The following GSG1L variants were observed in gnomAD, a reference collection of about 807,000 sequenced individuals.
GSG1L encodes the protein germ cell-specific gene 1-like protein.
In GSG1L, 24 loss-of-function variants were observed where a neutral mutation model predicts 42.1. The ratio of observed to expected loss-of-function variants is 0.57; its 90% CI spans 0.41 to 0.80. The LOEUF is 0.80. Ranked by LOEUF, GSG1L falls within the 30% of genes least tolerant of loss-of-function variation. GSG1L has a pLI of 0.00. For synonymous variants in GSG1L, 215 were observed against 203.5 expected, an observed-to-expected ratio of 1.06 and a Z score of -0.48; for missense variants, 445 against 472.2, an observed-to-expected ratio of 0.94 and a Z score of 0.53.
rs2082709885 is a variant in GSG1L, at chr16:27,787,818, A to G, written c.*3552T>C. On this transcript the variant is annotated 3_prime_UTR_variant, in exon 7 of 7. Transcript: ENST00000447459. ...AAGAGCTCCTAGATGCCTGGTGGCC[A>G]GGGCTAGATCCCTGTCAGATCTGTC... 6.6e-6 allele frequency: 1 copy of G among 152,210 alleles called. No individual in the cohort carries two copies. Among genetic ancestry groups the G allele is most frequent in the Admixed American group, 6.5e-5 (1 of 15,274 alleles). 9.4% of individuals were successfully genotyped at this position (152,210 alleles called of 1,614,324 possible). A position where few individuals can be genotyped will look rare whatever the true frequency, so the allele number is the denominator to read the frequency against.
At position 27,909,024 on chromosome 16, in the gene GSG1L, C is replaced by T. The variant is rs896822945; in HGVS notation, c.398-24386G>A. Among the ~76,000 whole-genome samples, 4 of 152,098 alleles carry T rather than the reference C, an allele frequency of 2.6e-5. No individual in the cohort carries two copies. In the East Asian group the frequency reaches 5.8e-4, roughly 22 times the overall value. ...AGCCCTGGTGCCTACACTTACCAGC[C>T]GTAGGGACCTGGGGCCCATCATTTA... On this transcript the variant is annotated intron_variant, in intron 2 of 6. Coordinates refer to ENST00000447459, the MANE Select transcript of GSG1L (RefSeq NM_001109763.2).
At chr16:27,996,574 G>A (rs1053645569) in intron 1 of GSG1L, among the ~76,000 whole-genome samples, 9 of 152,138 alleles carry the variant, frequency 5.9e-5, no homozygotes, top group African/African-American at 1.9e-4. Flanking sequence ...ACATGGAAAA[G>A]TGGGGACCTC....
intron 1 of GSG1L, among the ~76,000 whole-genome samples, chr16:27,985,518 C>A (rs541224407): frequency 9.2e-5 from 14 of 152,232 alleles, no homozygotes; most frequent in Middle Eastern, 3.4e-3. Flanking sequence ...CCTGCAGAAC[C>A]ATGAGCCAAA....
intron 2 of GSG1L, among the ~76,000 whole-genome samples, chr16:27,946,655 G>GA (rs5816456): frequency 1.5e-5 from 1 of 66,786 alleles, no homozygotes; most frequent in Admixed American, 1.7e-4. Flanking sequence ...AAGAAAGAAA[G>GA]AAAAGAAAGA....
chr16:27,945,935 G>A (rs1180166998), intron 2 of GSG1L, among the ~76,000 whole-genome samples: 1 of 152,224 alleles, frequency 6.6e-6, no homozygotes, highest in African/African-American at 2.4e-5. Context: ...AGGGTAACTC[G>A]GGTCCCCTCA....
chr16:27,876,200 C>T (rs2083885392), intron 3 of GSG1L, among the ~76,000 whole-genome samples: 1 of 152,142 alleles, frequency 6.6e-6, no homozygotes, highest in Non-Finnish European at 1.5e-5. Flanking sequence ...GGAAACTGAA[C>T]AGAAGGGGTT....
intron 3 of GSG1L, among the ~76,000 whole-genome samples, chr16:27,846,210 T>A (rs1257027734): frequency 6.6e-6 from 1 of 152,242 alleles, no homozygotes; most frequent in Non-Finnish European, 1.5e-5. Context: ...CACACTGTTT[T>A]AATCACTGTA....
intron 3 of GSG1L, among the ~76,000 whole-genome samples, chr16:27,880,442 GTC>G (rs1299240561): frequency 6.6e-6 from 1 of 152,208 alleles, no homozygotes; most frequent in Non-Finnish European, 1.5e-5. Context: ...TGCAGTGTGA[GTC>G]TGTGAAAAGA....
At position 27,828,812 on chromosome 16, in the gene GSG1L, C is replaced by T. The variant is rs780728755; in HGVS notation, c.807G>A (p.Glu269=). The change falls in exon 5 of 7, where the codon GAG becomes GAA. Residue 269 remains glutamate, a synonymous_variant. Coordinates refer to ENST00000447459, the MANE Select transcript of GSG1L (RefSeq NM_001109763.2). The part of the protein sequence containing the change: ...YREEPTFIDP[E]AIKYFRERME... The stretch of plus-strand genomic sequence containing the variant: ...ACCTCTCCCGGAAGTACTTGATGGC[C>T]TCAGGGTCTATGAAGGTCGGCTCTT... The T allele has an allele frequency of 1.2e-6, 2 of 1,613,988 alleles. No individual in the cohort carries two copies. The highest frequency in any genetic ancestry group is 1.7e-6 in the Non-Finnish European group (2 of 1,180,016).
At chr16:27,934,272 G>A (rs2084689963) in intron 2 of GSG1L, among the ~76,000 whole-genome samples, 1 of 152,186 alleles carries the variant, frequency 6.6e-6, no homozygotes, top group Non-Finnish European at 1.5e-5. Context: ...GGCCAGGCGT[G>A]GTGGCTCACG....
At chr16:27,919,691 C>T (rs896418706) in intron 2 of GSG1L, among the ~76,000 whole-genome samples, 3 of 152,212 alleles carry the variant, frequency 2.0e-5, no homozygotes, top group Non-Finnish European at 2.9e-5. Flanking sequence ...CAGCCTCACC[C>T]TGACCACACA....
intron 2 of GSG1L, among the ~76,000 whole-genome samples, chr16:27,944,636 A>C (rs2084842443): frequency 6.8e-6 from 1 of 147,038 alleles, no homozygotes; most frequent in Non-Finnish European, 1.5e-5. Context: ...AAAAAAAAAA[A>C]GGAAGACGTG....
chr16:27,793,934 A>T lies in GSG1L; in HGVS notation c.899-2467T>A, dbSNP rs369294200. On this transcript the variant is annotated intron_variant, in intron 6 of 6. Coordinates refer to ENST00000447459, the MANE Select transcript of GSG1L (RefSeq NM_001109763.2). ...CTTGTGGGCCCAAGCAGGCAATGTA[A>T]ATGGATGAGGTGAGTCAGAGACAGT... Among the ~76,000 whole-genome samples the T allele has an allele frequency of 3.3e-5, 5 of 152,174 alleles. No individual in the cohort carries two copies. The East Asian group carries it at 9.6e-4, about 29-fold the overall frequency.
rs889459196 is a variant in GSG1L at position 28,059,804 on chromosome 16, G to A, written c.349+3272C>T. Among the ~76,000 whole-genome samples the A allele has an allele frequency of 3.3e-5, 5 of 152,330 alleles. No individual in the cohort carries two copies. The highest frequency in any genetic ancestry group is 4.8e-5 in the African/African-American group (2 of 41,570). ...CTTCCCTTTCTGTTTGTGGAAGGAC[G>A]CGGGTGCTCTTCTTGGAGCAAGGAG... On this transcript the variant is annotated intron_variant, in intron 1 of 6. Transcript: ENST00000447459. This position sits in a 1 kb window ranked among gnomAD's most constrained non-coding sequence, Gnocchi z 4.4.
In GSG1L at chr16:27,850,800, C is replaced by CTT. The variant is rs201380124; in HGVS notation, c.551-5741_551-5740dup. ...ATACATCTATCTATCTATCATCTAC[C>CTT]TTTTTTTTTTATTTTTTTTTTGTAC... On this transcript the variant is annotated intron_variant, in intron 3 of 6. Transcript: ENST00000447459. Among the ~76,000 whole-genome samples, 16 of 132,692 alleles carry CTT rather than the reference C, an allele frequency of 1.2e-4. No homozygotes were observed. In the South Asian group the frequency reaches 1.5e-3, roughly 13 times the overall value. The allele number at this position is 132,692 out of a possible 152,430, so 87.1% of individuals were successfully genotyped here. A position where few individuals can be genotyped will look rare whatever the true frequency, so the allele number is the denominator to read the frequency against.
chr16:27,947,603 G>GAAAGAA (rs1567531004), intron 2 of GSG1L, among the ~76,000 whole-genome samples: 9 of 140,696 alleles, frequency 6.4e-5, no homozygotes, highest in African/African-American at 2.3e-4. Context: ...GAAAGAAAAA[G>GAAAGAA]AAAGAAAGAA....
chr16:27,877,615 G>A (rs914116609), intron 3 of GSG1L, among the ~76,000 whole-genome samples: 3 of 152,030 alleles, frequency 2.0e-5, no homozygotes, highest in Non-Finnish European at 4.4e-5. Context: ...CTCAGCCCTG[G>A]GGGGCCACCT....
chr16:27,812,797 ATT>A (rs1403091813), intron 5 of GSG1L, among the ~76,000 whole-genome samples: 3 of 151,598 alleles, frequency 2.0e-5, no homozygotes, highest in African/African-American at 7.3e-5. Flanking sequence ...TTATTTATTT[ATT>A]TATTTTTGAG....
intron 2 of GSG1L, among the ~76,000 whole-genome samples, chr16:27,927,407 C>T (rs1201517397): frequency 1.3e-5 from 2 of 152,104 alleles, no homozygotes; most frequent in African/African-American, 2.4e-5. Flanking sequence ...CACCTCTCGC[C>T]GGAATCCTTC....
Sources: gnomAD v4.1 joint callset for allele counts (sites outside exome capture counted in the v4.1 genomes callset) on GRCh38, gnomAD v4.1.1 for gene constraint, Gnocchi (gnomAD v3.1) non-coding constraint, MANE v1.5 for transcripts, NCBI Gene and HGNC (gene_info 2026-07-23, HGNC 2026-07-21) for gene names.